PCDHGB7: variants seen among roughly 807,000 people sequenced by gnomAD.
PCDHGB7 encodes the protein protocadherin gamma subfamily B, 7, also known as protocadherin gamma-B7.
A neutral mutation model predicts 61.4 loss-of-function variants in PCDHGB7; 37 were observed. That is an observed-to-expected ratio of 0.60 (90% CI 0.46 to 0.79). The LOEUF is 0.79. Among genes scored for constraint, PCDHGB7 ranks in the 30% least tolerant of loss-of-function variants. PCDHGB7 has a pLI of 0.00. For synonymous variants in PCDHGB7, 464 were observed against 503.5 expected, an observed-to-expected ratio of 0.92 and a Z score of 1.05; for missense variants, 1,166 against 1,202.5, an observed-to-expected ratio of 0.97 and a Z score of 0.45.
At chr5:141,503,363 G>A (rs2099819478) in intron 2 of PCDHGB7, among the ~76,000 whole-genome samples, 2 of 152,132 alleles carry the variant, frequency 1.3e-5, no homozygotes, top group East Asian at 1.9e-4. Context: ...TTGGGAAGCG[G>A]AGGCAGGTGG....
rs1190445239 is a variant in PCDHGB7 at position 141,431,331 on chromosome 5, A to T, written c.2415+11057A>T. 1 of 1,614,062 alleles carries T rather than the reference A, an allele frequency of 6.2e-7. No individual in the cohort carries two copies. The highest frequency in any genetic ancestry group is 1.7e-5 in the Admixed American group (1 of 60,026). On this transcript the variant is annotated intron_variant, in intron 1 of 3. Coordinates refer to ENST00000398594, the MANE Select transcript of PCDHGB7 (RefSeq NM_018927.4). The surrounding 1 kb of genome is among the most constrained non-coding windows in gnomAD (Gnocchi z 4.8). ...CAAAATGGAGCCGACGGTAGTAAGT[A>T]CCCCGAATTGGTGCTGAAACGCGCC...
chr5:141,458,695 G>T (rs551105765), intron 1 of PCDHGB7, among the ~76,000 whole-genome samples: 2 of 151,734 alleles, frequency 1.3e-5, no homozygotes, highest in Non-Finnish European at 2.9e-5. Context: ...TCAGCCTCCC[G>T]AGTAGCTGGG....
At chr5:141,430,687 T>A in intron 1 of PCDHGB7, 3 of 1,399,922 alleles carry the variant, frequency 2.1e-6, no homozygotes, top group Non-Finnish European at 9.5e-7. Flanking sequence ...TGTCCCATTC[T>A]ATGGGCGAAG....
chr5:141,462,051 G>A (rs1370612703), intron 1 of PCDHGB7, among the ~76,000 whole-genome samples: 2 of 152,068 alleles, frequency 1.3e-5, no homozygotes, highest in African/African-American at 4.8e-5. Context: ...TTGAACTCCC[G>A]ACCTCAGGTG....
Position 141,418,003 on chromosome 5 carries a change from G to T in PCDHGB7, c.144G>T (p.Gly48=), listed in dbSNP as rs1441842557. The T allele has an allele frequency of 6.2e-7, 1 of 1,613,798 alleles. No homozygotes were observed. Among genetic ancestry groups the T allele is most frequent in the Non-Finnish European group, 8.5e-7 (1 of 1,179,796 alleles). The stretch of plus-strand genomic sequence containing the variant: ...AGCTGGCCAAGGGCTCGGTGGTGGG[G>T]AACCTCGCTAAGGATCTAGGGCTTA... ...PEELAKGSVV[G]NLAKDLGLSV... The change falls in exon 1 of 4, where the codon GGG becomes GGT. Residue 48 remains glycine (G), a synonymous_variant. Transcript: ENST00000398594.
intron 1 of PCDHGB7, chr5:141,441,502 T>G (rs2098250414): frequency 5.8e-6 from 1 of 173,754 alleles, no homozygotes; most frequent in African/African-American, 2.4e-5. Context: ...CTACCAGGCC[T>G]CCTACGTCGT....
Position 141,486,453 on chromosome 5 carries a change from C to T in PCDHGB7, c.2416-8354C>T, listed in dbSNP as rs776820667. 6.2e-6 allele frequency: 10 copies of T among 1,614,114 alleles called. No homozygotes were observed. The highest frequency in any genetic ancestry group is 1.1e-5 in the South Asian group (1 of 91,082). On this transcript the variant is annotated intron_variant, in intron 1 of 3. Transcript: ENST00000398594. The surrounding 1 kb of genome is among the most constrained non-coding windows in gnomAD (Gnocchi z 5.0). ...TCTAGCTATGACATCATGGTCACTGCTTCTGATGCTGGGAACCCTCCTCTC... is the reference window on the plus strand; with the variant it reads ...TCTAGCTATGACATCATGGTCACTGTTTCTGATGCTGGGAACCCTCCTCTC...
intron 1 of PCDHGB7, chr5:141,478,072 G>A (rs752905249): frequency 6.2e-7 from 1 of 1,614,048 alleles, no homozygotes; most frequent in Admixed American, 1.7e-5. Flanking sequence ...AAGACAATGG[G>A]GAGCCTTCGC....
chr5:141,470,860 T>G (rs2099242265), intron 1 of PCDHGB7, among the ~76,000 whole-genome samples: 1 of 151,788 alleles, frequency 6.6e-6, no homozygotes, highest in South Asian at 2.1e-4. Context: ...GATAAGTTTT[T>G]TGTTTGTTTG....
In PCDHGB7 at chr5:141,418,800, GAT is replaced by G. The variant is rs777421725; in HGVS notation, c.945_946del (p.Thr316AspfsTer16). 1 of 1,613,800 alleles carries G rather than the reference GAT, an allele frequency of 6.2e-7. No individual in the cohort carries two copies. Among genetic ancestry groups the G allele is most frequent in the Non-Finnish European group, 8.5e-7 (1 of 1,179,776 alleles). On this transcript the variant is annotated frameshift_variant, in exon 1 of 4. Transcript: ENST00000398594. LOFTEE classifies it high-confidence loss of function. Reference sequence around the variant, plus strand: ...CCTTTGGATTTTGAAGAAGTAGAAAGATATACGATAAACATAGAAGCAAAAGA... The same window carrying G: ...CCTTTGGATTTTGAAGAAGTAGAAAGATACGATAAACATAGAAGCAAAAGA...
Position 141,491,590 on chromosome 5 carries a change from G to A in PCDHGB7, c.2416-3217G>A, listed in dbSNP as rs376104513. ...GACGTGCTTTTCACCGGCCTCGGAC[G>A]GCAGTGACTTCACTTTTCTAAGACC... On this transcript the variant is annotated intron_variant, in intron 1 of 3. Transcript: ENST00000398594. The surrounding 1 kb of genome is among the most constrained non-coding windows in gnomAD (Gnocchi z 6.9). 15 of 1,613,828 alleles carry A rather than the reference G, an allele frequency of 9.3e-6. No homozygotes were observed. In the African/African-American group the frequency reaches 2.0e-4, roughly 22 times the overall value.
intron 1 of PCDHGB7, among the ~76,000 whole-genome samples, chr5:141,444,152 ATTTTTTTTTTTTTTT>A (rs747671382): frequency 3.8e-4 from 13 of 33,894 alleles, no homozygotes; most frequent in East Asian, 1.0e-3. Context: ...TGTGTACTGG[ATTTTTTTTTTTTTTT>A]TTTTTTTTTT....
Position 141,485,870 on chromosome 5 carries a change from C to T in PCDHGB7, c.2416-8937C>T. The stretch of plus-strand genomic sequence containing the variant: ...CACCGCAGAGCTCCGGGTATCCGTG[C>T]TGGACGTAAACGACAACGCCCCAGC... On this transcript the variant is annotated intron_variant, in intron 1 of 3. Coordinates refer to ENST00000398594, the MANE Select transcript of PCDHGB7 (RefSeq NM_018927.4). This position sits in a 1 kb window ranked among gnomAD's most constrained non-coding sequence, Gnocchi z 5.7. 6.2e-7 allele frequency: 1 copy of T among 1,614,174 alleles called. No homozygotes were observed. The highest frequency in any genetic ancestry group is 8.5e-7 in the Non-Finnish European group (1 of 1,180,032).
chr5:141,482,995 G>A (rs1395482427), intron 1 of PCDHGB7, among the ~76,000 whole-genome samples: 1 of 152,048 alleles, frequency 6.6e-6, no homozygotes, highest in Non-Finnish European at 1.5e-5. Flanking sequence ...CGAGGCAGGA[G>A]AATTGCTTGA....
chr5:141,510,280 A>G (rs1218058358), intron 3 of PCDHGB7, among the ~76,000 whole-genome samples: 1 of 151,892 alleles, frequency 6.6e-6, no homozygotes, highest in Non-Finnish European at 1.5e-5. Context: ...CTTAAAAAAA[A>G]AAAAAAAAAA....
At chr5:141,443,137 A>G (rs1202995621) in intron 1 of PCDHGB7, among the ~76,000 whole-genome samples, 1 of 152,174 alleles carries the variant, frequency 6.6e-6, no homozygotes, top group Non-Finnish European at 1.5e-5. Flanking sequence ...GAACACTATC[A>G]TAAGTTATAC....
At position 141,431,020 on chromosome 5, in the gene PCDHGB7, G is replaced by T. The variant is rs941765907; in HGVS notation, c.2415+10746G>T. ...CGCGCAGCGGCAGCTTGGTCACGGCGGGCAGGATAGACCGGGAGGAGCTCT... is the reference window on the plus strand; with the variant it reads ...CGCGCAGCGGCAGCTTGGTCACGGCTGGCAGGATAGACCGGGAGGAGCTCT... On this transcript the variant is annotated intron_variant, in intron 1 of 3. Coordinates refer to ENST00000398594, the MANE Select transcript of PCDHGB7 (RefSeq NM_018927.4). This position sits in a 1 kb window ranked among gnomAD's most constrained non-coding sequence, Gnocchi z 4.8. 2.5e-6 allele frequency: 4 copies of T among 1,614,050 alleles called. No homozygotes were observed. The East Asian group carries it at 8.9e-5, about 36-fold the overall frequency.
chr5:141,453,101 T>TTTTTGTTTTG (rs879618609), intron 1 of PCDHGB7, among the ~76,000 whole-genome samples: 1 of 152,012 alleles, frequency 6.6e-6, no homozygotes, highest in Non-Finnish European at 1.5e-5. Flanking sequence ...TTCTGTTGCT[T>TTTTTGTTTTG]TTTTGTTTTG....
chr5:141,506,266 T>A (rs1397052417), intron 3 of PCDHGB7, among the ~76,000 whole-genome samples: 1 of 151,862 alleles, frequency 6.6e-6, no homozygotes, highest in Non-Finnish European at 1.5e-5. Context: ...CTGGCCAACA[T>A]AGTGAAACCC....
Sources: gnomAD v4.1 joint callset for allele counts (sites outside exome capture counted in the v4.1 genomes callset) on GRCh38, gnomAD v4.1.1 for gene constraint, Gnocchi (gnomAD v3.1) non-coding constraint, MANE v1.5 for transcripts, NCBI Gene and HGNC (gene_info 2026-07-23, HGNC 2026-07-21) for gene names.